The following PPP2CB variants were observed in gnomAD, a reference collection of about 807,000 sequenced individuals.
PPP2CB encodes serine/threonine-protein phosphatase 2A catalytic subunit beta isoform.
PPP2CB carries 18 observed loss-of-function variants against 39.1 expected under a neutral mutation model. The ratio of observed to expected loss-of-function variants is 0.46; its 90% CI spans 0.32 to 0.68. PPP2CB has a LOEUF of 0.68. Among genes scored for constraint, PPP2CB ranks in the 30% least tolerant of loss-of-function variants. The probability of loss-of-function intolerance (pLI) is 0.04; values close to 1 mark genes in which losing one functional copy is unlikely to be tolerated. For missense variants in PPP2CB, 226 were observed against 396.9 expected (o/e 0.57, Z 3.66); for synonymous variants, 129 against 133.8 (o/e 0.96, Z 0.25).
At position 30,786,317 on chromosome 8, in the gene PPP2CB, GC is replaced by G; in HGVS notation, c.858-11del. ...TGGGTCAAATTGAAGGCTGTAAATG[GC>G]AAAAAAGGAAGCAAATAAAGGATCT... On this transcript the variant is annotated splice_polypyrimidine_tract_variant and intron_variant, in intron 6 of 6. Transcript: ENST00000221138. 1.3e-6 allele frequency: 2 copies of G among 1,562,734 alleles called. No homozygotes were observed. The highest frequency in any genetic ancestry group is 4.7e-5 in the East Asian group (2 of 42,960).
intron 1 of PPP2CB, among the ~76,000 whole-genome samples, chr8:30,803,180 C>A (rs557684735): frequency 2.0e-4 from 31 of 152,204 alleles, no homozygotes; most frequent in Non-Finnish European, 3.8e-4. Flanking sequence ...TTGTATCTCA[C>A]TAGCTTTTGT....
intron 6 of PPP2CB, among the ~76,000 whole-genome samples, chr8:30,787,252 G>T (rs1456829107): frequency 1.3e-5 from 2 of 152,164 alleles, no homozygotes; most frequent in Non-Finnish European, 1.5e-5. Context: ...TCTACTTTTG[G>T]TATCAAGGAT....
At chr8:30,787,725 A>G (rs1165687433) in intron 6 of PPP2CB, among the ~76,000 whole-genome samples, 1 of 152,116 alleles carries the variant, frequency 6.6e-6, no homozygotes, top group Non-Finnish European at 1.5e-5. Context: ...TTTTTCACTC[A>G]TTTATTTATA....
rs1245094079 is a variant in PPP2CB, at chr8:30,812,745, G to T, written c.-324C>A. 1 of 474,558 alleles carries T rather than the reference G, an allele frequency of 2.1e-6. No homozygotes were observed. The highest frequency in any genetic ancestry group is 2.0e-5 in the African/African-American group (1 of 50,546). The allele number at this position is 474,558 out of a possible 1,614,324, so 29.4% of individuals were successfully genotyped here. A position where few individuals can be genotyped will look rare whatever the true frequency, so the allele number is the denominator to read the frequency against. ...GTCCTCGGCCTAGCTCTCGCCGGAC[G>T]AAGGCCGCCCGCTGCCGCTTCAGGC... On this transcript the variant is annotated 5_prime_UTR_variant, in exon 1 of 7. Coordinates refer to ENST00000221138, the MANE Select transcript of PPP2CB (RefSeq NM_001009552.2).
In PPP2CB at chr8:30,799,601, T is replaced by C. The variant is rs764115504; in HGVS notation, c.257A>G (p.Tyr86Cys). The change falls in exon 2 of 7, where the codon TAT (tyrosine) becomes TGT (cysteine). Residue 86 changes from tyrosine (Y) to cysteine (C), a missense_variant. Physicochemically the swap from Tyr to Cys is radical, Grantham distance 194 (BLOSUM62 -2). Coordinates refer to ENST00000221138, the MANE Select transcript of PPP2CB (RefSeq NM_001009552.2). ...PDTNYLFMGD[Y>C]VDRGYYSVET... ...CACTGAATAATATCCTCTGTCTACA[T>C]AGTCACCCATGAATAAGTAGTTTGT... 6 of 1,613,976 alleles carry C rather than the reference T, an allele frequency of 3.7e-6. No homozygotes were observed. The highest frequency in any genetic ancestry group is 5.1e-6 in the Non-Finnish European group (6 of 1,179,862).
intron 1 of PPP2CB, among the ~76,000 whole-genome samples, chr8:30,802,334 T>A (rs1037743867): frequency 1.3e-5 from 2 of 152,134 alleles, no homozygotes. Flanking sequence ...ACCACAAACA[T>A]TCTGCACACC....
intron 1 of PPP2CB, among the ~76,000 whole-genome samples, chr8:30,803,543 T>TA (rs111420782): frequency 0.03 from 4,325 of 142,558 alleles, 205 homozygotes; most frequent in African/African-American, 0.1. Flanking sequence ...ATCCTGCCTT[T>TA]AAAAAAAAAA....
chr8:30,806,765 A>G (rs1406640248), intron 1 of PPP2CB, among the ~76,000 whole-genome samples: 1 of 152,232 alleles, frequency 6.6e-6, no homozygotes, highest in African/African-American at 2.4e-5. Flanking sequence ...TTTCTGCAAG[A>G]TCTTCAAATA....
chr8:30,794,486 T>TC (rs1384988213), intron 3 of PPP2CB: 1 of 453,544 alleles, frequency 2.2e-6, no homozygotes, highest in South Asian at 3.1e-5. Context: ...TTTTTTTTTT[T>TC]CCCCTCCCTC....
At chr8:30,787,333 T>C (rs541358836) in intron 6 of PPP2CB, among the ~76,000 whole-genome samples, 16 of 152,330 alleles carry the variant, frequency 1.1e-4, no homozygotes, top group African/African-American at 2.9e-4. Context: ...TTGTGAAGGA[T>C]TGGCATTAAC....
chr8:30,790,253 T>G (rs1042022105), intron 6 of PPP2CB, among the ~76,000 whole-genome samples: 2 of 152,168 alleles, frequency 1.3e-5, no homozygotes, highest in Non-Finnish European at 2.9e-5. Flanking sequence ...TGCTCCTGAG[T>G]GGGTATGGCT....
intron 1 of PPP2CB, among the ~76,000 whole-genome samples, chr8:30,801,260 C>G (rs962637631): frequency 6.6e-6 from 1 of 151,856 alleles, no homozygotes; most frequent in South Asian, 2.1e-4. Context: ...GGGCCGGGCA[C>G]GGTGGCTCAT....
At chr8:30,798,829 T>G (rs1278863639) in intron 2 of PPP2CB, among the ~76,000 whole-genome samples, 1 of 152,208 alleles carries the variant, frequency 6.6e-6, no homozygotes, top group East Asian at 1.9e-4. Flanking sequence ...CTAAAATGGT[T>G]GAAGGTTACA....
Position 30,812,550 on chromosome 8 carries a change from G to C in PPP2CB, c.-129C>G, listed in dbSNP as rs532266825. The stretch of plus-strand genomic sequence containing the variant: ...CCGCCGCCGTCGCCAGGTCCCACAG[G>C]GGGAGGACTGAGCCGGGTAGGGCGG... On this transcript the variant is annotated 5_prime_UTR_variant, in exon 1 of 7. Coordinates refer to ENST00000221138, the MANE Select transcript of PPP2CB (RefSeq NM_001009552.2). The C allele has an allele frequency of 4.1e-5, 22 of 541,936 alleles. No individual in the cohort carries two copies. The highest frequency in any genetic ancestry group is 1.2e-4 in the East Asian group (3 of 24,324). The allele number at this position is 541,936 out of a possible 1,614,324, so 33.6% of individuals were successfully genotyped here.
chr8:30,790,790 A>T (rs1187230841), intron 6 of PPP2CB, among the ~76,000 whole-genome samples: 3 of 152,122 alleles, frequency 2.0e-5, no homozygotes, highest in Non-Finnish European at 2.9e-5. Context: ...CTGGGAGTGA[A>T]CCCACAGCCC....
chr8:30,793,213 G>A (rs1340222305), intron 5 of PPP2CB: 1 of 152,158 alleles, frequency 6.6e-6, no homozygotes, highest in African/African-American at 2.4e-5. Context: ...GAAAACATCA[G>A]GCAAACCCCA....
rs201050682 is a variant in PPP2CB at position 30,794,243 on chromosome 8, G to A, written c.525C>T (p.Asp175=). ...CCAGGGCTCTTATATGATCCAGTGTGTCTATGGATGGAGAGAGGCCACCAT... is the reference window on the plus strand; with the variant it reads ...CCAGGGCTCTTATATGATCCAGTGTATCTATGGATGGAGAGAGGCCACCAT... ...CLHGGLSPSI[D]TLDHIRALDR... The change falls in exon 4 of 7, where the codon GAC becomes GAT. Residue 175 remains aspartate, a synonymous_variant. Transcript: ENST00000221138. The A allele has an allele frequency of 1.3e-5, 21 of 1,613,932 alleles. No homozygotes were observed. In the East Asian group the frequency reaches 4.7e-4, roughly 36 times the overall value.
rs747265523 is a variant in PPP2CB at position 30,785,942 on chromosome 8, A to G, written c.*293T>C. 5.5e-6 allele frequency: 3 copies of G among 542,464 alleles called. No individual in the cohort carries two copies. Among genetic ancestry groups the G allele is most frequent in the South Asian group, 4.7e-5 (3 of 64,474 alleles). 33.6% of individuals were successfully genotyped at this position (542,464 alleles called of 1,614,324 possible). On this transcript the variant is annotated 3_prime_UTR_variant, in exon 7 of 7. Transcript: ENST00000221138. ...TCCAAATAAGCGCAAAAGGAGATGA[A>G]GCAGTTAGTTACCTTTTTTGCTTGA...
intron 6 of PPP2CB, 198 bp from the exon 7 acceptor site, chr8:30,786,505 A>G: frequency 2.6e-6 from 1 of 388,718 alleles, no homozygotes; most frequent in African/African-American, 2.1e-5. Context: ...CTATGGTGAA[A>G]ATTTAAGAAG....
Sources: gnomAD v4.1 joint callset for allele counts (sites outside exome capture counted in the v4.1 genomes callset) on GRCh38, gnomAD v4.1.1 for gene constraint, MANE v1.5 for transcripts, NCBI Gene and HGNC (gene_info 2026-07-23, HGNC 2026-07-21) for gene names.